The following PDE4D variants were observed in gnomAD, a reference collection of about 807,000 sequenced individuals.
The protein encoded by PDE4D is phosphodiesterase 4D.
PDE4D carries 24 observed loss-of-function variants against 87.4 expected under a neutral mutation model. The observed-to-expected ratio is 0.27, with a 90% CI of 0.20 to 0.39. The LOEUF is 0.39. Among genes scored for constraint, PDE4D ranks in the 10% least tolerant of loss-of-function variants. The probability of loss-of-function intolerance (pLI) is 1.00; values close to 1 mark genes in which losing one functional copy is unlikely to be tolerated. For missense variants in PDE4D, 714 were observed against 1,041.0 expected (o/e 0.69, Z 4.32); for synonymous variants, 384 against 383.2 (o/e 1.00, Z -0.02).
At chr5:59,518,146 A>G (rs1360366721) in intron 1 of PDE4D, among the ~76,000 whole-genome samples, 1 of 151,790 alleles carries the variant, frequency 6.6e-6, no homozygotes, top group Non-Finnish European at 1.5e-5. Flanking sequence ...CTAGTGATTA[A>G]TTTATCCTAC....
chr5:59,816,119 A>G (rs183118336), intron 1 of PDE4D, among the ~76,000 whole-genome samples: 1 of 152,356 alleles, frequency 6.6e-6, no homozygotes, highest in East Asian at 1.9e-4. Flanking sequence ...AACTTTGAAA[A>G]TTCTATTCAC....
intron 1 of PDE4D, among the ~76,000 whole-genome samples, chr5:59,669,770 T>C (rs1483041279): frequency 2.0e-5 from 3 of 152,142 alleles, no homozygotes; most frequent in Non-Finnish European, 4.4e-5. Flanking sequence ...TTTGCAAGAC[T>C]AAAGACACCC....
In PDE4D at chr5:60,470,815, C is replaced by A. The variant is rs577419540; in HGVS notation, c.-90+17127G>T. ...AAAGATTCCTTTCAAAATATTACTGCTCATTGACAATGCACCTAGTCACTC... is the reference window on the plus strand; with the variant it reads ...AAAGATTCCTTTCAAAATATTACTGATCATTGACAATGCACCTAGTCACTC... On this transcript the variant is annotated intron_variant, in intron 1 of 16. Coordinates refer to the PDE4D transcript ENST00000502484. Among the ~76,000 whole-genome samples the A allele has an allele frequency of 7.2e-5, 11 of 152,284 alleles. No homozygotes were observed. The South Asian group carries it at 1.0e-3, about 14-fold the overall frequency.
chr5:60,473,871 G>A (rs570168265), intron 1 of PDE4D, among the ~76,000 whole-genome samples: 5 of 65,992 alleles, frequency 7.6e-5, no homozygotes, highest in East Asian at 7.7e-4. Flanking sequence ...CCCAGCCCCC[G>A]CCCGCCGCAT....
At chr5:59,691,712 AG>A (rs1750969821) in intron 1 of PDE4D, among the ~76,000 whole-genome samples, 2 of 85,442 alleles carry the variant, frequency 2.3e-5, no homozygotes, top group Non-Finnish European at 4.7e-5. Context: ...TAGAACTTAA[AG>A]TATAATAAAA....
chr5:59,721,955 G>A (rs1284451737), intron 1 of PDE4D, among the ~76,000 whole-genome samples: 4 of 152,080 alleles, frequency 2.6e-5, no homozygotes, highest in Admixed American at 1.3e-4. Context: ...TCACAGCCTC[G>A]ACATCTGTGA....
intron 2 of PDE4D, among the ~76,000 whole-genome samples, chr5:60,030,622 A>T (rs1767143519): frequency 6.6e-6 from 1 of 152,258 alleles, no homozygotes; most frequent in Admixed American, 6.5e-5. Flanking sequence ...TTAAAAAGAC[A>T]CATGATTTTA....
At chr5:59,549,797 TTAAC>T (rs1178992877) in intron 1 of PDE4D, among the ~76,000 whole-genome samples, 4 of 152,038 alleles carry the variant, frequency 2.6e-5, no homozygotes, top group African/African-American at 7.2e-5. Flanking sequence ...GATGTTAAAT[TTAAC>T]TAATTTTAAC....
At chr5:60,345,251 A>C (rs942809482) in intron 1 of PDE4D, among the ~76,000 whole-genome samples, 1 of 151,826 alleles carries the variant, frequency 6.6e-6, no homozygotes, top group Non-Finnish European at 1.5e-5. Context: ...AACAATGAGA[A>C]CACTTGGACA....
At chr5:59,330,165 G>A (rs56874033) in intron 1 of PDE4D, among the ~76,000 whole-genome samples, 12,313 of 152,138 alleles carry the variant, frequency 0.081, 1,415 homozygotes, top group African/African-American at 0.25. Context: ...CATTACTCTT[G>A]GGGATCAGGG....
At chr5:59,591,635 T>C (rs1404816030) in intron 1 of PDE4D, among the ~76,000 whole-genome samples, 1 of 152,210 alleles carries the variant, frequency 6.6e-6, no homozygotes, top group Non-Finnish European at 1.5e-5. Flanking sequence ...TTATCTTATA[T>C]GAATACCAAT....
rs867859819 is a variant in PDE4D at position 59,749,084 on chromosome 5, T to C, written c.455+144084A>G. 3.3e-5 allele frequency among the ~76,000 whole-genome samples: 5 copies of C among 152,358 alleles called. 1 individual carries two copies. Among genetic ancestry groups the C allele is most frequent in the Middle Eastern group, 6.8e-3 (2 of 294 alleles). On this transcript the variant is annotated intron_variant, in intron 1 of 14. Transcript: ENST00000340635. ...TAATAAATGCTTGTTGGTTTAAGCATTGGGGAAATTTGTTATATTCCACTC... is the reference window on the plus strand; with the variant it reads ...TAATAAATGCTTGTTGGTTTAAGCACTGGGGAAATTTGTTATATTCCACTC...
chr5:60,371,389 C>T (rs1761015640), intron 1 of PDE4D, among the ~76,000 whole-genome samples: 2 of 152,162 alleles, frequency 1.3e-5, no homozygotes, highest in African/African-American at 4.8e-5. Flanking sequence ...TCCCTAATTT[C>T]CCCCAGCTCC....
chr5:59,455,588 C>A (rs193180032), intron 1 of PDE4D, among the ~76,000 whole-genome samples: 1 of 152,244 alleles, frequency 6.6e-6, no homozygotes, highest in Non-Finnish European at 1.5e-5. Flanking sequence ...GGAGCCCCCA[C>A]ACAGAGTCCC....
chr5:59,403,677 T>A (rs946761929), intron 1 of PDE4D, among the ~76,000 whole-genome samples: 4 of 152,218 alleles, frequency 2.6e-5, no homozygotes, highest in Admixed American at 6.5e-5. Flanking sequence ...CCATTGTGTA[T>A]ATGTACCACA....
chr5:59,341,650 T>A (rs1778748580), intron 1 of PDE4D, among the ~76,000 whole-genome samples: 1 of 152,168 alleles, frequency 6.6e-6, no homozygotes, highest in Non-Finnish European at 1.5e-5. Flanking sequence ...ACATAATATA[T>A]CCATATATAT....
chr5:60,210,333 G>A (rs553425440), intron 1 of PDE4D, among the ~76,000 whole-genome samples: 52 of 151,796 alleles, frequency 3.4e-4, no homozygotes, highest in Non-Finnish European at 4.4e-4. Context: ...CCTCAAAAAA[G>A]AGATGTCTCA....
chr5:59,248,411 C>T lies in PDE4D; in HGVS notation c.456-32443G>A, dbSNP rs58070169. Among the ~76,000 whole-genome samples the T allele has an allele frequency of 1.8e-3, 279 of 151,776 alleles. 3 individuals are homozygous for T. The highest frequency in any genetic ancestry group is 6.3e-3 in the African/African-American group (259 of 41,424). ...TTGCATCTATCTGCCACCTTACCCA[C>T]CTACCACCCAGTCCCATCAGCCTCT... On this transcript the variant is annotated intron_variant, in intron 1 of 14. Coordinates refer to ENST00000340635, the MANE Select transcript of PDE4D (RefSeq NM_001104631.2).
chr5:60,501,909 G>C (rs977684177), intron 1 of PDE4D, among the ~76,000 whole-genome samples: 2 of 152,144 alleles, frequency 1.3e-5, no homozygotes, highest in African/African-American at 4.8e-5. Context: ...TTAGCCCTTT[G>C]TCAGATGAAT....
Sources: allele counts gnomAD v4.1 joint callset (sites outside exome capture counted in the v4.1 genomes callset), GRCh38; gene constraint gnomAD v4.1.1; transcripts MANE v1.5; gene names NCBI Gene and HGNC (gene_info 2026-07-23, HGNC 2026-07-21).